SMOC2: variants seen among roughly 807,000 people sequenced by gnomAD.
SMOC2 encodes the protein SPARC-related modular calcium-binding protein 2.
A neutral mutation model predicts 61.4 loss-of-function variants in SMOC2; 39 were observed. That is an observed-to-expected ratio of 0.64 (90% confidence interval 0.49 to 0.83). The LOEUF is 0.83. SMOC2 is among the 40% of genes least tolerant of loss of function. The pLI, the probability that SMOC2 is intolerant of heterozygous loss-of-function variation, is 0.00. For missense variants in SMOC2, 556 were observed against 592.9 expected, an observed-to-expected ratio of 0.94 and a Z score of 0.65; for synonymous variants, 247 against 239.9, an observed-to-expected ratio of 1.03 and a Z score of -0.27.
At chr6:168,607,285 TCTC>T (rs1785723465) in intron 8 of SMOC2, among the ~76,000 whole-genome samples, 1 of 151,912 alleles carries the variant, frequency 6.6e-6, no homozygotes, top group Non-Finnish European at 1.5e-5. Flanking sequence ...GTGGCAGGGG[TCTC>T]CTCCTTGCCC....
intron 9 of SMOC2, among the ~76,000 whole-genome samples, chr6:168,619,845 C>T (rs1314150145): frequency 6.6e-6 from 1 of 152,228 alleles, no homozygotes; most frequent in African/African-American, 2.4e-5. Flanking sequence ...CCTTGTGTAG[C>T]CAGTGCCTGC....
chr6:168,621,714 C>A (rs1786250487), intron 9 of SMOC2, among the ~76,000 whole-genome samples: 1 of 31,536 alleles, frequency 3.2e-5, no homozygotes, highest in South Asian at 7.3e-4. Context: ...ACCATCAGAT[C>A]TCACGATCTC....
intron 7 of SMOC2, among the ~76,000 whole-genome samples, chr6:168,598,561 G>T (rs1196761628): frequency 6.6e-6 from 1 of 152,158 alleles, no homozygotes; most frequent in Admixed American, 6.5e-5. Context: ...GCTGTGCTGC[G>T]TGTTGAGCAG....
intron 1 of SMOC2, among the ~76,000 whole-genome samples, chr6:168,455,889 A>G (rs1211129838): frequency 6.6e-6 from 1 of 152,214 alleles, no homozygotes; most frequent in African/African-American, 2.4e-5. Flanking sequence ...GCATTAGAGG[A>G]CTAGGGTGAC....
intron 7 of SMOC2, among the ~76,000 whole-genome samples, chr6:168,568,345 C>G (rs12202806): frequency 0.035 from 5,302 of 152,296 alleles, 125 homozygotes; most frequent in Non-Finnish European, 0.051. Flanking sequence ...AAAAATTATG[C>G]AGAAAGCGCA....
chr6:168,544,254 C>T lies in SMOC2; in HGVS notation c.511+582C>T, dbSNP rs984313144. On this transcript the variant is annotated intron_variant, in intron 5 of 12. Coordinates refer to ENST00000356284, the MANE Select transcript of SMOC2 (RefSeq NM_001166412.2). The surrounding 1 kb of genome is among the most constrained non-coding windows in gnomAD (Gnocchi z 4.1). ...TCCTCTTCTCTGCCCTTGCCTCGGC[C>T]AACACCCTTCAGTACCAGGACACAT... 2.6e-5 allele frequency among the ~76,000 whole-genome samples: 4 copies of T among 152,166 alleles called. No homozygotes were observed. Among genetic ancestry groups the T allele is most frequent in the Non-Finnish European group, 2.9e-5 (2 of 68,044 alleles).
intron 11 of SMOC2, among the ~76,000 whole-genome samples, chr6:168,660,402 A>G (rs1228381315): frequency 6.6e-6 from 1 of 152,234 alleles, no homozygotes; most frequent in Non-Finnish European, 1.5e-5. Flanking sequence ...TGAAGGATAC[A>G]TGGAGTTCTC....
At chr6:168,488,217 T>C (rs980338852) in intron 1 of SMOC2, among the ~76,000 whole-genome samples, 1 of 152,244 alleles carries the variant, frequency 6.6e-6, no homozygotes, top group Admixed American at 6.5e-5. Context: ...CCCTGGTGCC[T>C]CCGGCACTCC....
At chr6:168,620,799 C>T (rs572842415) in intron 9 of SMOC2, among the ~76,000 whole-genome samples, 5 of 152,112 alleles carry the variant, frequency 3.3e-5, no homozygotes, top group Non-Finnish European at 5.9e-5. Context: ...CAGAGCACTG[C>T]GGTTATTACT....
intron 7 of SMOC2, among the ~76,000 whole-genome samples, chr6:168,571,800 T>G (rs1469058909): frequency 6.6e-6 from 1 of 151,742 alleles, no homozygotes; most frequent in South Asian, 2.1e-4. Flanking sequence ...CAATGTTCAC[T>G]TTCTCCCCGC....
chr6:168,634,789 A>G (rs1397787860), intron 9 of SMOC2, among the ~76,000 whole-genome samples: 1 of 152,216 alleles, frequency 6.6e-6, no homozygotes, highest in African/African-American at 2.4e-5. Flanking sequence ...GAATACAGGG[A>G]CAGCAAACAT....
chr6:168,454,216 C>G (rs986839528), intron 1 of SMOC2, among the ~76,000 whole-genome samples: 1 of 152,152 alleles, frequency 6.6e-6, no homozygotes, highest in African/African-American at 2.4e-5. Flanking sequence ...TGGGCTGCCT[C>G]TGGGCTCTGT....
chr6:168,518,541 G>A (rs1307845153), intron 2 of SMOC2, among the ~76,000 whole-genome samples: 3 of 151,590 alleles, frequency 2.0e-5, no homozygotes, highest in Admixed American at 6.6e-5. Context: ...GTGTGAGAGC[G>A]TGTGTATGCT....
intron 8 of SMOC2, 105 bp from the exon 9 acceptor site, chr6:168,608,052 A>T (rs1174929600): frequency 5.1e-6 from 5 of 974,272 alleles, no homozygotes; most frequent in Non-Finnish European, 7.8e-6. Flanking sequence ...GCCACAGGTC[A>T]CGGTGTATGC....
intron 9 of SMOC2, among the ~76,000 whole-genome samples, chr6:168,632,627 T>C (rs1786599491): frequency 6.6e-6 from 1 of 152,216 alleles, no homozygotes; most frequent in African/African-American, 2.4e-5. Context: ...CACCATAATT[T>C]TGAGCTATGA....
Position 168,599,504 on chromosome 6 carries a change from ACACT to A in SMOC2, c.824+504_824+507del, listed in dbSNP as rs774655326. The stretch of plus-strand genomic sequence containing the variant: ...ACAATCATACCCCACACACCCACTG[ACACT>A]CACACACACACTCATACCCCCACAC... On this transcript the variant is annotated intron_variant, in intron 8 of 12. Transcript: ENST00000356284. Among the ~76,000 whole-genome samples the A allele has an allele frequency of 8.5e-3, 386 of 45,376 alleles. 5 individuals carry two copies. The highest frequency in any genetic ancestry group is 0.027 in the African/African-American group (267 of 9,778). The allele number at this position is 45,376 out of a possible 152,430, so 29.8% of individuals were successfully genotyped here.
chr6:168,574,487 G>A (rs1784750227), intron 7 of SMOC2, among the ~76,000 whole-genome samples: 1 of 152,248 alleles, frequency 6.6e-6, no homozygotes, highest in Non-Finnish European at 1.5e-5. Context: ...GCCTTGGGGA[G>A]TTGGAGAATA....
intron 11 of SMOC2, 115 bp from the exon 12 acceptor site, chr6:168,663,959 G>T (rs1787586778): frequency 7.4e-6 from 6 of 808,092 alleles, no homozygotes; most frequent in Non-Finnish European, 1.2e-5. Flanking sequence ...AAATGAGTTT[G>T]CCAATTGATA....
Position 168,457,217 on chromosome 6 carries a change from T to C in SMOC2, c.84+15763T>C, listed in dbSNP as rs11963583. Among the ~76,000 whole-genome samples the C allele has an allele frequency of 4.2e-3, 633 of 152,296 alleles. 3 individuals are homozygous for C. Among genetic ancestry groups the C allele is most frequent in the African/African-American group, 0.014 (601 of 41,558 alleles). ...AGGGCTGCCAGGAGGAACGTGTGTT[T>C]AGACACTTTCAATAAAAACAAAGTG... On this transcript the variant is annotated intron_variant, in intron 1 of 12. Coordinates refer to ENST00000356284, the MANE Select transcript of SMOC2 (RefSeq NM_001166412.2).
Sources: allele counts gnomAD v4.1 joint callset (sites outside exome capture counted in the v4.1 genomes callset), GRCh38; gene constraint gnomAD v4.1.1; non-coding constraint Gnocchi (gnomAD v3.1); transcripts MANE v1.5; gene names NCBI Gene and HGNC (gene_info 2026-07-23, HGNC 2026-07-21).